KIAA1328: variants seen among roughly 807,000 people sequenced by gnomAD.
The protein encoded by KIAA1328 is protein hinderin.
KIAA1328 carries 52 observed loss-of-function variants against 68.1 expected under a neutral mutation model. The observed-to-expected ratio is 0.76, with a 90% CI of 0.61 to 0.96. The LOEUF (loss-of-function observed/expected upper bound fraction) is 0.96. Among genes scored for constraint, KIAA1328 ranks in the 40% least tolerant of loss-of-function variants. The probability of loss-of-function intolerance (pLI) is 0.00; values close to 1 mark genes in which losing one functional copy is unlikely to be tolerated. For missense variants in KIAA1328, 641 were observed against 677.6 expected (o/e 0.95, Z 0.60); for synonymous variants, 232 against 239.4 (o/e 0.97, Z 0.28).
chr18:37,200,510 G>A (rs560187825), intron 9 of KIAA1328, among the ~76,000 whole-genome samples: 10 of 152,206 alleles, frequency 6.6e-5, no homozygotes, highest in African/African-American at 1.7e-4. Context: ...CTCTGGGCCC[G>A]ATAATTAAAA....
intron 7 of KIAA1328, among the ~76,000 whole-genome samples, chr18:37,110,045 G>A (rs977175825): frequency 4.1e-5 from 6 of 147,474 alleles, no homozygotes; most frequent in South Asian, 4.3e-4. Context: ...GAAGATGTCA[G>A]CTGGTTAAAA....
intron 4 of KIAA1328, among the ~76,000 whole-genome samples, chr18:36,877,605 G>A (rs1478638722): frequency 6.9e-6 from 1 of 144,798 alleles, no homozygotes; most frequent in Admixed American, 6.9e-5. Flanking sequence ...TGAGATGGGT[G>A]TCCTGAATAC....
chr18:37,193,331 T>C (rs2059942495), intron 9 of KIAA1328, among the ~76,000 whole-genome samples: 1 of 152,166 alleles, frequency 6.6e-6, no homozygotes, highest in South Asian at 2.1e-4. Flanking sequence ...AAAGGTAGCA[T>C]ATACATAAAC....
At chr18:36,837,372 T>G (rs995088812) in intron 3 of KIAA1328, among the ~76,000 whole-genome samples, 1 of 152,208 alleles carries the variant, frequency 6.6e-6, no homozygotes, top group South Asian at 2.1e-4. Flanking sequence ...TTTATGTGCT[T>G]CTTGGCTATT....
chr18:37,158,072 T>TCC (rs1007284599), intron 7 of KIAA1328, among the ~76,000 whole-genome samples: 3 of 151,750 alleles, frequency 2.0e-5, no homozygotes, highest in African/African-American at 7.3e-5. Context: ...TCTCACTGTC[T>TCC]CCCAGGCTGG....
intron 9 of KIAA1328, among the ~76,000 whole-genome samples, chr18:37,189,527 ATGTAGCCTT>A (rs2154217149): frequency 6.6e-6 from 1 of 152,330 alleles, no homozygotes; most frequent in Non-Finnish European, 1.5e-5. Context: ...AAATATATTC[ATGTAGCCTT>A]TGCAAAAATT....
intron 8 of KIAA1328, among the ~76,000 whole-genome samples, chr18:37,163,659 T>C (rs1359664236): frequency 2.0e-5 from 3 of 152,158 alleles, no homozygotes; most frequent in African/African-American, 7.2e-5. Context: ...ATGATGTGAG[T>C]ACTCTTCATA....
chr18:36,886,847 A>T (rs1008602753), intron 5 of KIAA1328, among the ~76,000 whole-genome samples: 6 of 152,200 alleles, frequency 3.9e-5, no homozygotes, highest in Non-Finnish European at 8.8e-5. Flanking sequence ...CTTTGTGAAT[A>T]CCAGAGAAAT....
chr18:36,909,984 T>C (rs1198981238), intron 5 of KIAA1328, among the ~76,000 whole-genome samples: 1 of 152,166 alleles, frequency 6.6e-6, no homozygotes, highest in Non-Finnish European at 1.5e-5. Flanking sequence ...GGGGTTGTTT[T>C]TTTTGTGTAA....
intron 1 of KIAA1328, among the ~76,000 whole-genome samples, chr18:36,830,441 A>G (rs2046434123): frequency 6.6e-6 from 1 of 152,188 alleles, no homozygotes; most frequent in Non-Finnish European, 1.5e-5. Context: ...GGGCTGAATT[A>G]GGAAGTTAGG....
At chr18:37,115,197 C>A (rs1315076465) in intron 7 of KIAA1328, among the ~76,000 whole-genome samples, 1 of 152,132 alleles carries the variant, frequency 6.6e-6, no homozygotes, top group Non-Finnish European at 1.5e-5. Context: ...TAAAGCCGGG[C>A]AGAGGCATGA....
At chr18:36,875,895 C>T (rs144564871) in intron 4 of KIAA1328, among the ~76,000 whole-genome samples, 6 of 152,104 alleles carry the variant, frequency 3.9e-5, no homozygotes, top group Admixed American at 1.3e-4. Flanking sequence ...TGAATTTTAT[C>T]GAAGGCCTTT....
intron 6 of KIAA1328, among the ~76,000 whole-genome samples, chr18:36,979,570 A>T (rs1183468137): frequency 2.0e-5 from 3 of 152,186 alleles, no homozygotes; most frequent in Admixed American, 2.0e-4. Context: ...GAAATAAGAG[A>T]TTATAGTAAT....
chr18:37,185,531 T>G (rs1000646409), intron 9 of KIAA1328, among the ~76,000 whole-genome samples: 7 of 152,122 alleles, frequency 4.6e-5, no homozygotes, highest in Non-Finnish European at 8.8e-5. Flanking sequence ...TATTCAGAAC[T>G]GTGCCTAATA....
At position 36,919,965 on chromosome 18, in the gene KIAA1328, A is replaced by T. The variant is rs1282135321; in HGVS notation, c.448+34293A>T. 2.0e-5 allele frequency among the ~76,000 whole-genome samples: 3 copies of T among 152,102 alleles called. No individual in the cohort carries two copies. The East Asian group carries it at 5.8e-4, about 29-fold the overall frequency. ...TTCTTAAGTTCCTTATAGATTCTAG[A>T]TATTAGACCTTTGTTAGATGCACAG... On this transcript the variant is annotated intron_variant, in intron 5 of 9. Transcript: ENST00000280020.
chr18:37,046,009 G>A (rs2151642414), intron 6 of KIAA1328, among the ~76,000 whole-genome samples: 1 of 152,262 alleles, frequency 6.6e-6, no homozygotes, highest in East Asian at 1.9e-4. Flanking sequence ...TTTGCATTGT[G>A]TTCAGATTTT....
chr18:37,021,108 A>G (rs2054330142), intron 6 of KIAA1328, among the ~76,000 whole-genome samples: 1 of 152,234 alleles, frequency 6.6e-6, no homozygotes, highest in Admixed American at 6.5e-5. Context: ...TAACTATACT[A>G]GAGCTGCTCT....
At chr18:36,878,720 T>C (rs186553054) in intron 4 of KIAA1328, among the ~76,000 whole-genome samples, 7 of 152,328 alleles carry the variant, frequency 4.6e-5, no homozygotes, top group African/African-American at 1.7e-4. Flanking sequence ...TTCTTTTCAT[T>C]CTTTTTTTCT....
intron 6 of KIAA1328, among the ~76,000 whole-genome samples, chr18:36,983,401 C>T (rs577660784): frequency 1.6e-4 from 24 of 151,974 alleles, no homozygotes; most frequent in Non-Finnish European, 2.8e-4. Context: ...AGTTAAAATA[C>T]GTGAAGCAAA....
Sources: gnomAD v4.1 joint callset for allele counts (sites outside exome capture counted in the v4.1 genomes callset) on GRCh38, gnomAD v4.1.1 for gene constraint, MANE v1.5 for transcripts, NCBI Gene and HGNC (gene_info 2026-07-23, HGNC 2026-07-21) for gene names.